Variants in RIMBP2 observed in about 807,000 individuals in gnomAD.
RIMBP2 encodes RIMS-binding protein 2.
RIMBP2 carries 48 observed loss-of-function variants against 118.6 expected under a neutral mutation model. That is an observed-to-expected ratio of 0.40 (90% confidence interval 0.32 to 0.51). The LOEUF (loss-of-function observed/expected upper bound fraction) is 0.51. RIMBP2 is among the 20% of genes least tolerant of loss of function. The probability of loss-of-function intolerance (pLI) is 0.41; values close to 1 mark genes in which losing one functional copy is unlikely to be tolerated. For missense variants in RIMBP2, 1,551 were observed against 1,768.3 expected (o/e 0.88, Z 2.20); for synonymous variants, 762 against 742.9 (o/e 1.03, Z -0.42).
At chr12:130,575,575 G>A (rs1468121041) in intron 2 of RIMBP2, among the ~76,000 whole-genome samples, 3 of 152,116 alleles carry the variant, frequency 2.0e-5, no homozygotes, top group Non-Finnish European at 4.4e-5. Context: ...GCAACTGTCG[G>A]GCCCTGTTCT....
At chr12:130,428,435 T>G in intron 14 of RIMBP2, 98 bp from the exon 15 acceptor site, 16 of 1,289,634 alleles carry the variant, frequency 1.2e-5, no homozygotes, top group Non-Finnish European at 1.7e-5. Context: ...CTTCGCTGAC[T>G]CACGGGGCTC....
At chr12:130,478,835 C>T (rs1243906628) in intron 5 of RIMBP2, 77 bp downstream of exon 5, 2 of 1,086,336 alleles carry the variant, frequency 1.8e-6, no homozygotes, top group African/African-American at 1.6e-5. Context: ...AGGTCGGCCG[C>T]TCCACCACAC....
intron 2 of RIMBP2, among the ~76,000 whole-genome samples, chr12:130,560,340 T>C (rs1016726051): frequency 6.6e-6 from 1 of 151,816 alleles, no homozygotes; most frequent in African/African-American, 2.4e-5. Context: ...GGTTCCAGGG[T>C]TTCTCAACCT....
At chr12:130,712,564 G>A (rs1296320170) in intron 1 of RIMBP2, among the ~76,000 whole-genome samples, 1 of 152,164 alleles carries the variant, frequency 6.6e-6, no homozygotes, top group African/African-American at 2.4e-5. Context: ...CGCCTCCCAC[G>A]ATGGCCATGC....
rs372257060 is a variant in RIMBP2 at position 130,710,446 on chromosome 12, GCA to G, written c.-352+5774_-352+5775del. Among the ~76,000 whole-genome samples, 1 of 151,756 alleles carries G rather than the reference GCA, an allele frequency of 6.6e-6. No individual in the cohort carries two copies. The highest frequency in any genetic ancestry group is 6.6e-5 in the Admixed American group (1 of 15,224). ...TGCACACACACACATACACGCAGGC[GCA>G]CACACACACATACACACACACACGT... On this transcript the variant is annotated intron_variant, in intron 1 of 22. Coordinates refer to ENST00000690449, the MANE Select transcript of RIMBP2 (RefSeq NM_001393629.1). The surrounding 1 kb of genome is among the most constrained non-coding windows in gnomAD (Gnocchi z 4.3).
intron 1 of RIMBP2, among the ~76,000 whole-genome samples, chr12:130,633,257 G>T (rs1348639981): frequency 6.6e-6 from 1 of 152,180 alleles, no homozygotes; most frequent in Non-Finnish European, 1.5e-5. Context: ...TGAGCTCAAA[G>T]AATTGAAAAT....
At chr12:130,600,443 G>A (rs1409263141) in intron 2 of RIMBP2, among the ~76,000 whole-genome samples, 20 of 134,386 alleles carry the variant, frequency 1.5e-4, no homozygotes, top group Middle Eastern at 4.6e-3. Context: ...GAAGGATGTC[G>A]GCCCCAACAG....
rs2061418479 is a variant in RIMBP2 at position 130,623,049 on chromosome 12, G to A, written c.-217+5273C>T. ...TGGTTTCTTATCTCAACAAATATTT[G>A]CCAAGCATCTGTAGTGTACAAAATC... On this transcript the variant is annotated intron_variant, in intron 2 of 22. Coordinates refer to ENST00000690449, the MANE Select transcript of RIMBP2 (RefSeq NM_001393629.1). This position sits in a 1 kb window ranked among gnomAD's most constrained non-coding sequence, Gnocchi z 4.1. 6.6e-6 allele frequency among the ~76,000 whole-genome samples: 1 copy of A among 152,172 alleles called. No individual in the cohort carries two copies. The highest frequency in any genetic ancestry group is 6.5e-5 in the Admixed American group (1 of 15,286).
intron 1 of RIMBP2, among the ~76,000 whole-genome samples, chr12:130,691,092 C>A (rs187473239): frequency 2.6e-4 from 40 of 152,280 alleles, no homozygotes; most frequent in African/African-American, 9.6e-4. Flanking sequence ...CTGCCAGCCC[C>A]GACTCAACAG....
At chr12:130,685,234 G>A (rs1056540169) in intron 1 of RIMBP2, among the ~76,000 whole-genome samples, 27 of 152,118 alleles carry the variant, frequency 1.8e-4, no homozygotes, top group African/African-American at 6.3e-4. Context: ...AGAAGAAAGA[G>A]CATTTTTACC....
chr12:130,434,858 A>C lies in RIMBP2; in HGVS notation c.2129T>G (p.Leu710Arg). 1.9e-6 allele frequency: 3 copies of C among 1,609,436 alleles called. No homozygotes were observed. The highest frequency in any genetic ancestry group is 2.5e-6 in the Non-Finnish European group (3 of 1,177,834). The part of the protein sequence containing the change: ...SSRLEKRSVF[L>R]ERSSAGQYAA... ...GTACTGCCCCGCGCTGCTTCTCTCT[A>C]GGAAGACGCTCCTTTTCTCTAACTT... Residue 710 changes from leucine to arginine, a missense_variant, in exon 14 of 23, where the codon CTA becomes CGA. Physicochemically the swap from Leu to Arg is moderately radical, Grantham distance 102 (BLOSUM62 -2). Transcript: ENST00000690449. This position sits in a 1 kb window ranked among gnomAD's most constrained non-coding sequence, Gnocchi z 5.7.
intron 14 of RIMBP2, among the ~76,000 whole-genome samples, chr12:130,433,010 T>C (rs2077247458): frequency 6.6e-6 from 1 of 152,188 alleles, no homozygotes; most frequent in African/African-American, 2.4e-5. Flanking sequence ...CTGGCTGGCA[T>C]GGCTGCTCTG....
In RIMBP2 at chr12:130,576,275, C is replaced by T. The variant is rs1351297682; in HGVS notation, c.-217+52047G>A. Among the ~76,000 whole-genome samples, 1 of 152,164 alleles carries T rather than the reference C, an allele frequency of 6.6e-6. No individual in the cohort carries two copies. The highest frequency in any genetic ancestry group is 2.4e-5 in the African/African-American group (1 of 41,454). On this transcript the variant is annotated intron_variant, in intron 2 of 22. Transcript: ENST00000690449. This position sits in a 1 kb window ranked among gnomAD's most constrained non-coding sequence, Gnocchi z 4.2. The stretch of plus-strand genomic sequence containing the variant: ...AACCACAGGCCCAAAGCAAAAACTA[C>T]AAACAGGAACGGAGAGTTTCATGAC...
At chr12:130,515,022 A>G (rs1386058116) in intron 3 of RIMBP2, among the ~76,000 whole-genome samples, 1 of 151,956 alleles carries the variant, frequency 6.6e-6, no homozygotes, top group Non-Finnish European at 1.5e-5. Context: ...GACTACAGGC[A>G]CCGGCCACCA....
chr12:130,532,952 T>C (rs545503519), intron 2 of RIMBP2, among the ~76,000 whole-genome samples: 3 of 150,176 alleles, frequency 2.0e-5, no homozygotes, highest in East Asian at 4.0e-4. Flanking sequence ...TCTAATGAGA[T>C]GCGTGTGTGT....
At chr12:130,550,532 T>G (rs2055657138) in intron 2 of RIMBP2, among the ~76,000 whole-genome samples, 1 of 152,172 alleles carries the variant, frequency 6.6e-6, no homozygotes, top group Non-Finnish European at 1.5e-5. Flanking sequence ...CGGTGGTGAA[T>G]GATGTTTCCA....
At chr12:130,696,964 C>G (rs941032018) in intron 1 of RIMBP2, among the ~76,000 whole-genome samples, 1 of 152,110 alleles carries the variant, frequency 6.6e-6, no homozygotes, top group East Asian at 1.9e-4. Context: ...GAGAGGTGAA[C>G]GGGGGCTGTA....
At chr12:130,586,278 C>T (rs1006773011) in intron 2 of RIMBP2, among the ~76,000 whole-genome samples, 1 of 152,146 alleles carries the variant, frequency 6.6e-6, no homozygotes, top group Non-Finnish European at 1.5e-5. Context: ...CATGGAGAAA[C>T]CCCATCTCTA....
At chr12:130,438,289 A>G (rs1449219056) in intron 12 of RIMBP2, 76 bp downstream of exon 12, 2 of 1,539,036 alleles carry the variant, frequency 1.3e-6, no homozygotes, top group Non-Finnish European at 8.9e-7. Context: ...TGCCTCCTCC[A>G]CTGAGCAAAT....
Sources: allele counts gnomAD v4.1 joint callset (sites outside exome capture counted in the v4.1 genomes callset), GRCh38; gene constraint gnomAD v4.1.1; non-coding constraint Gnocchi (gnomAD v3.1); transcripts MANE v1.5; gene names NCBI Gene and HGNC (gene_info 2026-07-23, HGNC 2026-07-21).